The following P3H2 variants were observed in gnomAD, a reference collection of about 807,000 sequenced individuals.
P3H2 encodes leprecan-like 1.
In P3H2, 80 loss-of-function variants were observed where a neutral mutation model predicts 87.0. The observed-to-expected ratio is 0.92, with a 90% CI of 0.77 to 1.11. The LOEUF is 1.11. P3H2 is among the 50% of genes least tolerant of loss of function. P3H2 has a pLI of 0.00. For synonymous variants in P3H2, 367 were observed against 359.3 expected (o/e 1.02, Z -0.24); for missense variants, 1,001 against 923.9 (o/e 1.08, Z -1.08).
intron 1 of P3H2, among the ~76,000 whole-genome samples, chr3:190,095,564 G>A (rs1213078353): frequency 1.3e-5 from 2 of 149,344 alleles, no homozygotes; most frequent in Non-Finnish European, 3.0e-5. Context: ...GTAATTTAGA[G>A]GGAAATTAAA....
chr3:190,101,878 C>T (rs1348743951), intron 1 of P3H2, among the ~76,000 whole-genome samples: 1 of 152,160 alleles, frequency 6.6e-6, no homozygotes, highest in East Asian at 1.9e-4. Flanking sequence ...CAGACTGGCT[C>T]TATTGTTAGA....
At chr3:189,976,032 A>G (rs1723337808) in intron 8 of P3H2, among the ~76,000 whole-genome samples, 1 of 152,134 alleles carries the variant, frequency 6.6e-6, no homozygotes, top group Admixed American at 6.6e-5. Flanking sequence ...AGACCATAAA[A>G]TGAACTAAAT....
intron 8 of P3H2, 148 bp from the exon 9 acceptor site, chr3:189,974,833 G>T (rs1444618254): frequency 2.2e-6 from 2 of 903,052 alleles, no homozygotes; most frequent in Non-Finnish European, 3.6e-6. Context: ...AAATTAGGAA[G>T]CTTGATAAAC....
chr3:190,075,979 T>G (rs1348603429), intron 1 of P3H2, among the ~76,000 whole-genome samples: 1 of 152,146 alleles, frequency 6.6e-6, no homozygotes, highest in African/African-American at 2.4e-5. Flanking sequence ...TCCAGGAAAT[T>G]TGAGCATGGC....
Position 190,120,685 on chromosome 3 carries a change from A to AGCG in P3H2, c.44_46dup (p.Pro15dup), listed in dbSNP as rs1712540215. The AGCG allele has an allele frequency of 2.0e-6, 3 of 1,521,822 alleles. No homozygotes were observed. The highest frequency in any genetic ancestry group is 1.2e-5 in the South Asian group (1 of 82,214). 94.3% of individuals were successfully genotyped at this position (1,521,822 alleles called of 1,614,324 possible). On this transcript the variant is annotated inframe_insertion, in exon 1 of 15. Coordinates refer to ENST00000319332, the MANE Select transcript of P3H2 (RefSeq NM_018192.4). The stretch of plus-strand genomic sequence containing the variant: ...GCCCCACAGTGGCGGCGGCAGTAGC[A>AGCG]GCGGCAGCAGCAGCAGCAGCGGCGG...
chr3:190,040,707 A>G (rs1190823920), intron 1 of P3H2, among the ~76,000 whole-genome samples: 4 of 152,108 alleles, frequency 2.6e-5, no homozygotes, highest in African/African-American at 7.2e-5. Context: ...TGCCTGTGGA[A>G]AGTTATTGGA....
intron 3 of P3H2, among the ~76,000 whole-genome samples, chr3:189,993,134 C>A (rs937587047): frequency 1.3e-4 from 19 of 151,924 alleles, no homozygotes; most frequent in African/African-American, 4.4e-4. Context: ...ACCAGCCTGG[C>A]CAACATGGAG....
At position 189,957,893 on chromosome 3, in the gene P3H2, A is replaced by G; in HGVS notation, c.*19T>C. ...TTAACAATTTAAATAAATATTTGATAGAACATTCTTTCTCATTTTTATAGC... is the reference window on the plus strand; with the variant it reads ...TTAACAATTTAAATAAATATTTGATGGAACATTCTTTCTCATTTTTATAGC... On this transcript the variant is annotated 3_prime_UTR_variant, in exon 15 of 15. Transcript: ENST00000319332. 1.4e-6 allele frequency: 2 copies of G among 1,478,914 alleles called. No individual in the cohort carries two copies. Among genetic ancestry groups the G allele is most frequent in the East Asian group, 2.3e-5 (1 of 44,266 alleles). The allele number at this position is 1,478,914 out of a possible 1,614,324, so 91.6% of individuals were successfully genotyped here.
chr3:190,009,101 T>G (rs1376615327), intron 1 of P3H2, among the ~76,000 whole-genome samples: 1 of 152,082 alleles, frequency 6.6e-6, no homozygotes, highest in African/African-American at 2.4e-5. Context: ...TCACCATGAG[T>G]AAGACACAGA....
chr3:189,999,787 G>C (rs1724154684), intron 1 of P3H2, among the ~76,000 whole-genome samples: 1 of 152,196 alleles, frequency 6.6e-6, no homozygotes, highest in Admixed American at 6.6e-5. Context: ...ACGTTTAGGG[G>C]AGGCCACTGA....
At chr3:190,041,199 G>A (rs1481186474) in intron 1 of P3H2, among the ~76,000 whole-genome samples, 1 of 142,284 alleles carries the variant, frequency 7.0e-6, no homozygotes. Context: ...TTGAGCCTAG[G>A]AGGTTAAGGC....
intron 1 of P3H2, among the ~76,000 whole-genome samples, chr3:190,056,095 GCT>G (rs1273850676): frequency 6.6e-6 from 1 of 152,028 alleles, no homozygotes. Flanking sequence ...ACACCAGAAA[GCT>G]CTCTCTCTCT....
intron 13 of P3H2, among the ~76,000 whole-genome samples, chr3:189,970,467 T>A (rs1242183851): frequency 6.6e-6 from 1 of 151,554 alleles, no homozygotes; most frequent in Non-Finnish European, 1.5e-5. Flanking sequence ...TCATTTGACT[T>A]ATTCTAGACT....
intron 8 of P3H2, among the ~76,000 whole-genome samples, chr3:189,977,101 CAG>C (rs1243182541): frequency 1.3e-5 from 2 of 152,128 alleles, no homozygotes; most frequent in Non-Finnish European, 2.9e-5. Flanking sequence ...CTTCCTGCAG[CAG>C]AGACTTTACG....
intron 1 of P3H2, among the ~76,000 whole-genome samples, chr3:190,047,205 C>G (rs929205607): frequency 6.6e-6 from 1 of 151,924 alleles, no homozygotes; most frequent in Admixed American, 6.6e-5. Flanking sequence ...ATCATCTCAC[C>G]CCAGTTAAAA....
chr3:190,051,990 T>A (rs947794736), intron 1 of P3H2, among the ~76,000 whole-genome samples: 7 of 152,006 alleles, frequency 4.6e-5, no homozygotes, highest in Non-Finnish European at 7.4e-5. Context: ...CACAAAATAG[T>A]CCTTGAGGAA....
At chr3:190,007,983 T>TATA (rs1724448090) in intron 1 of P3H2, among the ~76,000 whole-genome samples, 1 of 99,502 alleles carries the variant, frequency 1.0e-5, no homozygotes, top group Non-Finnish European at 2.4e-5. Context: ...TATATATATA[T>TATA]ATAGTAAACT....
In P3H2 at chr3:189,997,452, T is replaced by C. The variant is rs142858663; in HGVS notation, c.481-2010A>G. Among the ~76,000 whole-genome samples the C allele has an allele frequency of 5.0e-3, 759 of 152,330 alleles. 6 individuals carry two copies. The highest frequency in any genetic ancestry group is 0.018 in the African/African-American group (740 of 41,586). ...TGCTGAACAATATAAAATCACAGAA[T>C]GGCATGTAAGATTCAACTGTATCTG... On this transcript the variant is annotated intron_variant, in intron 1 of 14. Transcript: ENST00000319332.
chr3:190,003,680 C>G (rs1475451430), intron 1 of P3H2, among the ~76,000 whole-genome samples: 1 of 152,196 alleles, frequency 6.6e-6, no homozygotes, highest in African/African-American at 2.4e-5. Context: ...CAAGTCGTCT[C>G]TGCCTCGGGT....
Sources: allele counts gnomAD v4.1 joint callset (sites outside exome capture counted in the v4.1 genomes callset), GRCh38; gene constraint gnomAD v4.1.1; transcripts MANE v1.5; gene names NCBI Gene and HGNC (gene_info 2026-07-23, HGNC 2026-07-21).